ERC2: variants seen among roughly 807,000 people sequenced by gnomAD.
ERC2 encodes ELKS/RAB6-interacting/CAST family member 2, also known as ERC protein 2.
Under a neutral mutation model 114.8 loss-of-function variants are expected in ERC2, and 42 were observed. The ratio of observed to expected loss-of-function variants is 0.37; its 90% confidence interval spans 0.29 to 0.47. The LOEUF (loss-of-function observed/expected upper bound fraction) is 0.47, where lower values mean the gene tolerates loss of function less well. Ranked by LOEUF, ERC2 falls within the 20% of genes least tolerant of loss-of-function variation. The probability of loss-of-function intolerance (pLI) is 0.99; values close to 1 mark genes in which losing one functional copy is unlikely to be tolerated. For missense variants in ERC2, 939 were observed against 1,150.7 expected, an observed-to-expected ratio of 0.82 and a Z score of 2.66; for synonymous variants, 454 against 425.5, an observed-to-expected ratio of 1.07 and a Z score of -0.82.
chr3:56,329,763 A>C (rs1037998244), intron 2 of ERC2, among the ~76,000 whole-genome samples: 3 of 150,836 alleles, frequency 2.0e-5, no homozygotes, highest in Non-Finnish European at 3.0e-5. Flanking sequence ...TAGTTTTCCA[A>C]GTATTCTCAT....
At chr3:56,458,429 A>G (rs943624484) in intron 1 of ERC2, among the ~76,000 whole-genome samples, 13 of 152,318 alleles carry the variant, frequency 8.5e-5, no homozygotes, top group African/African-American at 3.1e-4. Context: ...GCAACTATTC[A>G]TGTTGTGAAT....
intron 6 of ERC2, among the ~76,000 whole-genome samples, chr3:56,117,851 G>C (rs1047098892): frequency 6.6e-6 from 1 of 152,180 alleles, no homozygotes. Context: ...CAACAGGCTG[G>C]AGGAAGGAAA....
chr3:55,743,071 AC>A (rs2066068286), intron 14 of ERC2, among the ~76,000 whole-genome samples: 1 of 152,214 alleles, frequency 6.6e-6, no homozygotes, highest in African/African-American at 2.4e-5. Context: ...CCTGTTGCCC[AC>A]CTAAAACTGA....
chr3:55,606,471 G>T (rs541439833), intron 17 of ERC2: 1 of 152,322 alleles, frequency 6.6e-6, no homozygotes, highest in East Asian at 1.9e-4. Context: ...TCATTAAGTA[G>T]CAACCAATGA....
chr3:56,105,126 G>C (rs1212210716), intron 6 of ERC2, among the ~76,000 whole-genome samples: 1 of 152,054 alleles, frequency 6.6e-6, no homozygotes, highest in Non-Finnish European at 1.5e-5. Context: ...CAGATGCCAG[G>C]CATGTTGGAG....
At chr3:55,616,857 A>T (rs1313797200) in intron 17 of ERC2, among the ~76,000 whole-genome samples, 1 of 151,948 alleles carries the variant, frequency 6.6e-6, no homozygotes, top group African/African-American at 2.4e-5. Flanking sequence ...AGCAATTCTC[A>T]CTTGTTCCAT....
intron 7 of ERC2, among the ~76,000 whole-genome samples, chr3:56,052,178 A>G (rs1341488854): frequency 1.3e-5 from 2 of 152,200 alleles, no homozygotes; most frequent in Non-Finnish European, 2.9e-5. Flanking sequence ...AGGATGCCCT[A>G]TGGGTAGCTT....
At chr3:55,977,541 C>A (rs1436155237) in intron 12 of ERC2, among the ~76,000 whole-genome samples, 1 of 152,176 alleles carries the variant, frequency 6.6e-6, no homozygotes, top group Non-Finnish European at 1.5e-5. Flanking sequence ...GGGTCATTTT[C>A]CACCTACCAT....
At chr3:55,558,992 G>A (rs954742695) in intron 17 of ERC2, among the ~76,000 whole-genome samples, 1 of 152,224 alleles carries the variant, frequency 6.6e-6, no homozygotes, top group African/African-American at 2.4e-5. Flanking sequence ...AGCAAGGTCT[G>A]GAGACACAGT....
intron 2 of ERC2, among the ~76,000 whole-genome samples, chr3:56,374,567 T>A (rs999369284): frequency 1.3e-5 from 2 of 152,178 alleles, no homozygotes; most frequent in Non-Finnish European, 2.9e-5. Context: ...TCCATCATTA[T>A]CTCCATTTAC....
At chr3:55,811,575 C>G (rs2059722285) in intron 14 of ERC2, among the ~76,000 whole-genome samples, 1 of 152,192 alleles carries the variant, frequency 6.6e-6, no homozygotes, top group Non-Finnish European at 1.5e-5. Context: ...TCTGCCAAAA[C>G]TGAGCTCAAT....
chr3:55,845,259 C>G (rs573195170), intron 14 of ERC2, among the ~76,000 whole-genome samples: 1 of 152,252 alleles, frequency 6.6e-6, no homozygotes, highest in East Asian at 1.9e-4. Flanking sequence ...AATCCCAGCA[C>G]TTTGGGAGGC....
At chr3:56,182,256 T>C (rs1188857547) in intron 3 of ERC2, among the ~76,000 whole-genome samples, 1 of 152,192 alleles carries the variant, frequency 6.6e-6, no homozygotes, top group Non-Finnish European at 1.5e-5. Context: ...AATTAATCCA[T>C]GTCTGTGTAT....
At chr3:56,456,669 A>G (rs771053856) in intron 1 of ERC2, among the ~76,000 whole-genome samples, 1 of 152,212 alleles carries the variant, frequency 6.6e-6, no homozygotes, top group African/African-American at 2.4e-5. Flanking sequence ...AATGGTTTCA[A>G]TGTTTGGCTC....
chr3:56,296,497 A>G (rs2055445437), intron 2 of ERC2, 62 bp from the exon 3 acceptor site: 1 of 1,499,326 alleles, frequency 6.7e-7, no homozygotes, highest in Non-Finnish European at 8.9e-7. Context: ...TGAAAATGTC[A>G]AGTGCCGCTT....
At chr3:55,687,056 T>G (rs1272733608) in intron 16 of ERC2, among the ~76,000 whole-genome samples, 2 of 151,806 alleles carry the variant, frequency 1.3e-5, no homozygotes, top group African/African-American at 4.8e-5. Context: ...GACAAGGGGG[T>G]CTTGATGGAA....
At chr3:56,447,129 G>A (rs1427069918) in intron 1 of ERC2, among the ~76,000 whole-genome samples, 1 of 152,222 alleles carries the variant, frequency 6.6e-6, no homozygotes, top group Non-Finnish European at 1.5e-5. Context: ...AGGAGATGCG[G>A]GTGGGGCACC....
At chr3:56,361,271 G>A (rs1017232598) in intron 2 of ERC2, among the ~76,000 whole-genome samples, 4 of 152,140 alleles carry the variant, frequency 2.6e-5, no homozygotes, top group African/African-American at 9.7e-5. Context: ...CTCATGGGGT[G>A]GGGACATCCT....
At chr3:56,398,070 A>G (rs2060379797) in intron 2 of ERC2, among the ~76,000 whole-genome samples, 1 of 152,240 alleles carries the variant, frequency 6.6e-6, no homozygotes. Context: ...TCTTTACTCC[A>G]GACAGCTATG....
Sources: gnomAD v4.1 joint callset for allele counts (sites outside exome capture counted in the v4.1 genomes callset) on GRCh38, gnomAD v4.1.1 for gene constraint, MANE v1.5 for transcripts, NCBI Gene and HGNC (gene_info 2026-07-23, HGNC 2026-07-21) for gene names.